SH3D19: variants seen among roughly 807,000 people sequenced by gnomAD.
SH3D19 encodes SH3 domain-containing protein 19.
In SH3D19, 58 loss-of-function variants were observed where a neutral mutation model predicts 112.1. That is an observed-to-expected ratio of 0.52 (90% CI 0.42 to 0.64). The LOEUF is 0.64. Among genes scored for constraint, SH3D19 ranks in the 30% least tolerant of loss-of-function variants. The probability of loss-of-function intolerance (pLI) is 0.00; values close to 1 mark genes in which losing one functional copy is unlikely to be tolerated. For synonymous variants in SH3D19, 391 were observed against 448.5 expected (o/e 0.87, Z 1.62); for missense variants, 1,090 against 1,263.4 (o/e 0.86, Z 2.08).
At chr4:151,321,438 A>T (rs1045433938) in intron 1 of SH3D19, among the ~76,000 whole-genome samples, 2 of 152,230 alleles carry the variant, frequency 1.3e-5, no homozygotes, top group Non-Finnish European at 2.9e-5. Context: ...TATGCAATCA[A>T]TAACAGAAAG....
At chr4:151,317,771 C>T (rs543151658) in intron 1 of SH3D19, among the ~76,000 whole-genome samples, 1 of 151,890 alleles carries the variant, frequency 6.6e-6, no homozygotes, top group Non-Finnish European at 1.5e-5. Context: ...GTCAGGAGTT[C>T]GAGACCAGCC....
chr4:151,183,538 C>A (rs1398521485), intron 3 of SH3D19, among the ~76,000 whole-genome samples: 2 of 152,118 alleles, frequency 1.3e-5, no homozygotes, highest in Non-Finnish European at 2.9e-5. Flanking sequence ...AGGCTAGGAG[C>A]AGTTTGTTTC....
chr4:151,181,151 G>A (rs17590309), intron 3 of SH3D19, among the ~76,000 whole-genome samples: 52,862 of 152,042 alleles, frequency 0.35, 10,622 homozygotes, highest in Non-Finnish European at 0.45. Context: ...GTAAAGATCT[G>A]TGCACAAAGG....
At chr4:151,221,266 A>C (rs1439063769) in intron 2 of SH3D19, among the ~76,000 whole-genome samples, 1 of 152,228 alleles carries the variant, frequency 6.6e-6, no homozygotes, top group African/African-American at 2.4e-5. Context: ...CTTGGAGCCC[A>C]TCATTCTTGT....
At chr4:151,280,072 A>T in intron 1 of SH3D19, 1 of 1,264,692 alleles carries the variant, frequency 7.9e-7, no homozygotes. Flanking sequence ...GCGGAAGGAA[A>T]CCCAGGTCAT....
intron 9 of SH3D19, among the ~76,000 whole-genome samples, chr4:151,156,033 C>A (rs982534279): frequency 6.6e-6 from 1 of 152,068 alleles, no homozygotes; most frequent in Non-Finnish European, 1.5e-5. Context: ...TGACAAAGAA[C>A]TAGCTAAAAA....
Position 151,292,311 on chromosome 4 carries a change from A to AT in SH3D19, c.112+32929_112+32930insA, listed in dbSNP as rs1448133222. Among the ~76,000 whole-genome samples the AT allele has an allele frequency of 3.3e-5, 5 of 151,796 alleles. No homozygotes were observed. The East Asian group carries it at 5.8e-4, about 18-fold the overall frequency. ...AAGACCCTGTCTTTAAAAAAAAAAA[A>AT]GGAAAAGAAAAGAAGGAAGGAAATG... On this transcript the variant is annotated intron_variant, in intron 1 of 19. Transcript: ENST00000604030.
At chr4:151,251,447 G>A (rs1425304965) in intron 1 of SH3D19, among the ~76,000 whole-genome samples, 3 of 152,086 alleles carry the variant, frequency 2.0e-5, no homozygotes, top group African/African-American at 4.8e-5. Flanking sequence ...CAATCCACCA[G>A]CCTTGGACTC....
chr4:151,149,474 C>T, intron 10 of SH3D19, 26 bp downstream of exon 10: 1 of 1,593,828 alleles, frequency 6.3e-7, no homozygotes, highest in Non-Finnish European at 8.6e-7. Context: ...ATTAATTTTT[C>T]TCTAACTTTT....
intron 1 of SH3D19, among the ~76,000 whole-genome samples, chr4:151,237,141 G>A (rs1281565708): frequency 2.0e-5 from 3 of 152,088 alleles, no homozygotes; most frequent in African/African-American, 7.2e-5. Context: ...CCTGAAGCCA[G>A]CGAGACCACG....
chr4:151,315,211 G>C (rs1022114359), intron 1 of SH3D19, among the ~76,000 whole-genome samples: 1 of 152,074 alleles, frequency 6.6e-6, no homozygotes, highest in Non-Finnish European at 1.5e-5. Flanking sequence ...TTAAATGAAG[G>C]AAACAATCAC....
chr4:151,157,455 A>G (rs1756339632), intron 9 of SH3D19, among the ~76,000 whole-genome samples: 1 of 151,694 alleles, frequency 6.6e-6, no homozygotes, highest in Admixed American at 6.6e-5. Context: ...GCTGGCAAGA[A>G]TGCAGAGAAG....
chr4:151,120,453 C>T lies in SH3D19; in HGVS notation c.*1638G>A, dbSNP rs1579571671. On this transcript the variant is annotated 3_prime_UTR_variant, in exon 20 of 20. Coordinates refer to ENST00000604030, the MANE Select transcript of SH3D19 (RefSeq NM_001378122.1). ...AAAATTATAAAGGCAAAGATATATA[C>T]CTCATGTTCCATTCCATATCCTTCC... The T allele has an allele frequency of 6.6e-6, 1 of 152,448 alleles. No individual in the cohort carries two copies. The highest frequency in any genetic ancestry group is 1.9e-4 in the East Asian group (1 of 5,200). 9.4% of individuals were successfully genotyped at this position (152,448 alleles called of 1,614,324 possible). A position where few individuals can be genotyped will look rare whatever the true frequency, so the allele number is the denominator to read the frequency against.
At chr4:151,243,382 C>G (rs1770697970) in intron 1 of SH3D19, among the ~76,000 whole-genome samples, 2 of 152,312 alleles carry the variant, frequency 1.3e-5, no homozygotes, top group South Asian at 4.1e-4. Context: ...CACTTGCTTT[C>G]TATTTCCCTC....
intron 2 of SH3D19, among the ~76,000 whole-genome samples, chr4:151,189,075 AAGACTGTG>A (rs1395010758): frequency 1.3e-5 from 2 of 152,130 alleles, no homozygotes; most frequent in African/African-American, 4.8e-5. Context: ...TCCAGCTTCC[AAGACTGTG>A]AGACAGTAAG....
intron 2 of SH3D19, among the ~76,000 whole-genome samples, chr4:151,189,315 G>A (rs908186700): frequency 2.1e-4 from 32 of 151,888 alleles, no homozygotes; most frequent in African/African-American, 7.7e-4. Flanking sequence ...GGGTTTCACT[G>A]TGCTAGCCAG....
At chr4:151,209,088 G>A in intron 2 of SH3D19, among the ~76,000 whole-genome samples, 1 of 151,938 alleles carries the variant, frequency 6.6e-6, no homozygotes, top group East Asian at 1.9e-4. Context: ...ACTTTAATTA[G>A]CTCCATTTAT....
intron 1 of SH3D19, among the ~76,000 whole-genome samples, chr4:151,280,220 C>T (rs62330876): frequency 7.4e-6 from 1 of 135,564 alleles, no homozygotes; most frequent in African/African-American, 2.6e-5. Flanking sequence ...AGATTTTTGT[C>T]GTGTTTTTGG....
At chr4:151,250,405 G>A (rs1419226954) in intron 1 of SH3D19, among the ~76,000 whole-genome samples, 1 of 151,960 alleles carries the variant, frequency 6.6e-6, no homozygotes, top group African/African-American at 2.4e-5. Context: ...GTTTTCCTGT[G>A]ATGAAAATAT....
Sources: gnomAD v4.1 joint callset for allele counts (sites outside exome capture counted in the v4.1 genomes callset) on GRCh38, gnomAD v4.1.1 for gene constraint, MANE v1.5 for transcripts, NCBI Gene and HGNC (gene_info 2026-07-23, HGNC 2026-07-21) for gene names.